LPA: variants seen among roughly 807,000 people sequenced by gnomAD.
LPA encodes lipoprotein(a).
A neutral mutation model predicts 197.9 loss-of-function variants in LPA; 199 were observed. The observed-to-expected ratio is 1.01, with a 90% confidence interval of 0.90 to 1.13. The LOEUF is 1.13. Among genes scored for constraint, LPA ranks in the 50% most tolerant of loss-of-function variants. The pLI, the probability that LPA is intolerant of heterozygous loss-of-function variation, is 0.00. For synonymous variants in LPA, 715 were observed against 639.5 expected, an observed-to-expected ratio of 1.12 and a Z score of -1.78; for missense variants, 1,853 against 1,785.8, an observed-to-expected ratio of 1.04 and a Z score of -0.68.
chr6:160,659,826 C>A (rs1780193574), intron 1 of LPA, among the ~76,000 whole-genome samples: 1 of 152,106 alleles, frequency 6.6e-6, no homozygotes, highest in Non-Finnish European at 1.5e-5. Flanking sequence ...GCTGGAGGTC[C>A]GTGAGAGTCC....
At position 160,578,550 on chromosome 6, in the gene LPA, G is replaced by T. The variant is rs1778728253; in HGVS notation, c.4444C>A (p.Pro1482Thr). ...VLTTPTVAPV[P>T]STEAPSEQAP... Reference sequence around the variant, plus strand: ...TGTTCAGAAGGAGCCTCTGTGCTTGGAACCGGGGCCACTGTGGGAGTTGTG... The same window carrying T: ...TGTTCAGAAGGAGCCTCTGTGCTTGTAACCGGGGCCACTGTGGGAGTTGTG... Residue 1482 changes from proline to threonine, a missense_variant, in exon 27 of 39, where the codon CCA becomes ACA. Transcript: ENST00000316300. 1 of 1,613,732 alleles carries T rather than the reference G, an allele frequency of 6.2e-7. No individual in the cohort carries two copies. Among genetic ancestry groups the T allele is most frequent in the African/African-American group, 1.3e-5 (1 of 74,906 alleles).
intron 2 of LPA, among the ~76,000 whole-genome samples, chr6:160,649,503 T>C (rs888428182): frequency 6.6e-6 from 1 of 152,126 alleles, no homozygotes; most frequent in East Asian, 1.9e-4. Flanking sequence ...AACTCCAATG[T>C]CCCTCCTCTG....
At position 160,579,512 on chromosome 6, in the gene LPA, G is replaced by A. The variant is rs1583593182; in HGVS notation, c.4290-808C>T. Among the ~76,000 whole-genome samples, 3 of 152,150 alleles carry A rather than the reference G, an allele frequency of 2.0e-5. 1 individual carries two copies. The South Asian group carries it at 6.2e-4, about 32-fold the overall frequency. On this transcript the variant is annotated intron_variant, in intron 26 of 38. Coordinates refer to ENST00000316300, the MANE Select transcript of LPA (RefSeq NM_005577.4). ...CGGGACCCAAGGCATAAAGGGAGAC[G>A]GCTAGGTAGACTATGGGATCTGAAG...
intron 20 of LPA, among the ~76,000 whole-genome samples, chr6:160,598,123 C>A (rs1014818677): frequency 3.9e-5 from 6 of 152,196 alleles, no homozygotes; most frequent in Non-Finnish European, 5.9e-5. Flanking sequence ...CTGGTCAAAA[C>A]TCCAATATTC....
At chr6:160,662,796 T>G (rs1780248073) in intron 1 of LPA, among the ~76,000 whole-genome samples, 1 of 152,248 alleles carries the variant, frequency 6.6e-6, no homozygotes, top group South Asian at 2.1e-4. Context: ...TTGTAAAATT[T>G]TATCTGGTAA....
intron 28 of LPA, among the ~76,000 whole-genome samples, 173 bp downstream of exon 28, chr6:160,576,963 C>T (rs1583591235): frequency 6.6e-6 from 1 of 151,988 alleles, no homozygotes; most frequent in African/African-American, 2.4e-5. Context: ...AATAGCAGGC[C>T]TAAAATTTCT....
chr6:160,599,325 A>C (rs1779192676), intron 20 of LPA, among the ~76,000 whole-genome samples, 175 bp downstream of exon 20: 1 of 152,214 alleles, frequency 6.6e-6, no homozygotes. Flanking sequence ...CCTGGGCAAC[A>C]AAGCAAGACT....
chr6:160,576,944 A>G (rs1181373100), intron 28 of LPA, among the ~76,000 whole-genome samples, 192 bp downstream of exon 28: 1 of 152,006 alleles, frequency 6.6e-6, no homozygotes, highest in Non-Finnish European at 1.5e-5. Flanking sequence ...CCATAAAACT[A>G]TTAGGAAAAA....
At chr6:160,653,989 A>ATATAT (rs1562354561) in intron 1 of LPA, among the ~76,000 whole-genome samples, 3 of 7,804 alleles carry the variant, frequency 3.8e-4, no homozygotes, top group Admixed American at 3.5e-3. Context: ...ATAATATATA[A>ATATAT]TATATATTAT....
At chr6:160,580,060 A>G (rs560082718) in intron 26 of LPA, among the ~76,000 whole-genome samples, 1 of 152,276 alleles carries the variant, frequency 6.6e-6, no homozygotes, top group South Asian at 2.1e-4. Context: ...TCCCACGGCC[A>G]GTGTCAAATG....
chr6:160,602,273 A>G (rs1164447896), intron 18 of LPA, among the ~76,000 whole-genome samples: 2 of 152,130 alleles, frequency 1.3e-5, no homozygotes, highest in Admixed American at 6.5e-5. Context: ...CTTATTATAT[A>G]ATATCCCTCA....
rs148489819 is a variant in LPA, at chr6:160,553,175, T to C, written c.4973+2850A>G. On this transcript the variant is annotated intron_variant, in intron 30 of 38. Coordinates refer to ENST00000316300, the MANE Select transcript of LPA (RefSeq NM_005577.4). ...ATACGTTGAAACAACAATATATTCC[T>C]ATTATTTTAATTAATATCACAAATT... is the stretch of plus-strand genomic sequence containing the variant. Among the ~76,000 whole-genome samples, 213 of 152,318 alleles carry C rather than the reference T, an allele frequency of 1.4e-3. 2 individuals carry two copies. Among genetic ancestry groups the C allele is most frequent in the Middle Eastern group, 0.014 (4 of 294 alleles).
chr6:160,663,923 A>G (rs978763248), intron 1 of LPA, among the ~76,000 whole-genome samples: 3 of 152,118 alleles, frequency 2.0e-5, no homozygotes, highest in Non-Finnish European at 4.4e-5. Flanking sequence ...ATGTAGGCAC[A>G]CTCTTTTAGA....
Position 160,547,803 on chromosome 6 carries a change from C to T in LPA, c.5290G>A (p.Gly1764Ser). ...AAGTGGCTTACATTTTTTTCCAGAC[C>T]TGCCCATTTATTTGTCCCTGGAATG... ...TFIPGTNKWA[G>S]LEKNYCRNPD... The change falls in exon 32 of 39, where the codon GGT becomes AGT. Residue 1764 changes from glycine to serine, a missense_variant. By Grantham distance (56) the Gly-to-Ser change is moderately conservative. Around this residue, in one of 3 missense-constraint regions of LPA, gnomAD observed 1,737 missense variants for 1,504.4 expected, o/e 1.15. Transcript: ENST00000316300. 6.2e-7 allele frequency: 1 copy of T among 1,613,984 alleles called. No individual in the cohort carries two copies. The highest frequency in any genetic ancestry group is 8.5e-7 in the Non-Finnish European group (1 of 1,179,990).
chr6:160,604,023 A>T (rs561692393), intron 18 of LPA, among the ~76,000 whole-genome samples: 1 of 152,082 alleles, frequency 6.6e-6, no homozygotes, highest in South Asian at 2.1e-4. Flanking sequence ...ATTCCTCAGG[A>T]TATATTCTTT....
chr6:160,560,576 A>C (rs1778343749), intron 28 of LPA, among the ~76,000 whole-genome samples: 1 of 151,934 alleles, frequency 6.6e-6, no homozygotes, highest in Non-Finnish European at 1.5e-5. Context: ...TGTCAGCCAC[A>C]TAAAGGTCTT....
At chr6:160,602,658 G>T (rs1779267142) in intron 18 of LPA, among the ~76,000 whole-genome samples, 1 of 152,170 alleles carries the variant, frequency 6.6e-6, no homozygotes, top group African/African-American at 2.4e-5. Context: ...AACATCTCTT[G>T]TTACACAAGC....
chr6:160,562,786 T>C (rs1476455266), intron 28 of LPA, among the ~76,000 whole-genome samples: 2 of 152,230 alleles, frequency 1.3e-5, no homozygotes, highest in Non-Finnish European at 2.9e-5. Flanking sequence ...TCTTCCTGGT[T>C]TAGTCTTGGG....
At chr6:160,582,136 G>T (rs568446414) in intron 26 of LPA, among the ~76,000 whole-genome samples, 5 of 152,010 alleles carry the variant, frequency 3.3e-5, no homozygotes, top group Non-Finnish European at 1.5e-5. Flanking sequence ...TGTTTGCTGT[G>T]CATAGCGTTT....
Sources: allele counts gnomAD v4.1 joint callset (sites outside exome capture counted in the v4.1 genomes callset), GRCh38; gene constraint gnomAD v4.1.1; regional missense constraint gnomAD v4.1.1; transcripts MANE v1.5; gene names NCBI Gene and HGNC (gene_info 2026-07-23, HGNC 2026-07-21).